PRICKLE2: variants seen among roughly 807,000 people sequenced by gnomAD.
PRICKLE2 encodes the protein prickle-like protein 2.
Under a neutral mutation model 81.4 loss-of-function variants are expected in PRICKLE2, and 21 were observed. The ratio of observed to expected loss-of-function variants is 0.26; its 90% confidence interval spans 0.18 to 0.37. PRICKLE2 has a LOEUF of 0.37. Ranked by LOEUF, PRICKLE2 falls within the 10% of genes least tolerant of loss-of-function variation. The pLI is 1.00. For missense variants in PRICKLE2, 940 were observed against 1,109.0 expected, an observed-to-expected ratio of 0.85 and a Z score of 2.16; for synonymous variants, 456 against 421.5, an observed-to-expected ratio of 1.08 and a Z score of -1.00.
chr3:64,205,879 C>T (rs2078679098), intron 1 of PRICKLE2, among the ~76,000 whole-genome samples: 2 of 152,204 alleles, frequency 1.3e-5, no homozygotes, highest in Non-Finnish European at 2.9e-5. Context: ...CCTCCCCAAA[C>T]TCCAGGCACA....
chr3:64,150,670 T>A (rs1255413352), intron 6 of PRICKLE2, among the ~76,000 whole-genome samples: 2 of 152,100 alleles, frequency 1.3e-5, no homozygotes, highest in Non-Finnish European at 1.5e-5. Flanking sequence ...CTATCCCCAC[T>A]CCCTGTTAGA....
chr3:64,118,246 A>G (rs1347505136), intron 7 of PRICKLE2, among the ~76,000 whole-genome samples: 1 of 152,226 alleles, frequency 6.6e-6, no homozygotes, highest in African/African-American at 2.4e-5. Flanking sequence ...AAAAACCTTG[A>G]AGAAAACCTA....
rs1358737262 is a variant in PRICKLE2 at position 64,153,572 on chromosome 3, T to C, written c.601-204A>G. On this transcript the variant is annotated intron_variant, in intron 5 of 7. Transcript: ENST00000638394. ...GATTTACCTAAAGCATAATTAAACA[T>C]GATTTCTGGCCTAGCCAGTAATTAA... is the stretch of plus-strand genomic sequence containing the variant. The C allele has an allele frequency of 5.2e-6, 3 of 574,302 alleles. No individual in the cohort carries two copies. The African/African-American group carries it at 5.6e-5, about 11-fold the overall frequency. The allele number at this position is 574,302 out of a possible 1,614,324, so 35.6% of individuals were successfully genotyped here. A position where few individuals can be genotyped will look rare whatever the true frequency, so the allele number is the denominator to read the frequency against.
intron 1 of PRICKLE2, among the ~76,000 whole-genome samples, chr3:64,220,712 T>G (rs1040346547): frequency 2.0e-5 from 3 of 152,160 alleles, no homozygotes; most frequent in Non-Finnish European, 4.4e-5. Context: ...CTGATTTTCT[T>G]CATGCCTCCA....
chr3:64,177,645 C>T (rs1432631154), intron 2 of PRICKLE2, among the ~76,000 whole-genome samples: 1 of 152,154 alleles, frequency 6.6e-6, no homozygotes, highest in Non-Finnish European at 1.5e-5. Flanking sequence ...AGTCTAGATA[C>T]TTCATATAAG....
intron 1 of PRICKLE2, among the ~76,000 whole-genome samples, chr3:64,212,711 A>C (rs2078808747): frequency 6.6e-6 from 1 of 152,220 alleles, no homozygotes; most frequent in Non-Finnish European, 1.5e-5. Context: ...ACTAGGATTT[A>C]ACAACTTAAT....
intron 2 of PRICKLE2, among the ~76,000 whole-genome samples, chr3:64,166,179 C>T (rs1206021510): frequency 6.6e-6 from 1 of 152,102 alleles, no homozygotes; most frequent in Non-Finnish European, 1.5e-5. Context: ...TGCTTCTCAC[C>T]TTCTCAAAGG....
At chr3:64,248,780 A>G (rs532727177) in intron 2 of PRICKLE2, among the ~76,000 whole-genome samples, 1 of 152,266 alleles carries the variant, frequency 6.6e-6, no homozygotes, top group African/African-American at 2.4e-5. Flanking sequence ...AGAAGACTCT[A>G]TAGAAACCAT....
chr3:64,148,348 C>T (rs907713603), intron 6 of PRICKLE2, among the ~76,000 whole-genome samples: 4 of 152,296 alleles, frequency 2.6e-5, no homozygotes, highest in Middle Eastern at 3.4e-3. Context: ...GCATTAATAC[C>T]GCTTTACATT....
At chr3:64,185,642 A>G (rs1237972915) in intron 2 of PRICKLE2, among the ~76,000 whole-genome samples, 5 of 152,194 alleles carry the variant, frequency 3.3e-5, no homozygotes, top group Non-Finnish European at 5.9e-5. Context: ...GTTCTTTCTG[A>G]CAAAAGCTTG....
intron 6 of PRICKLE2, among the ~76,000 whole-genome samples, chr3:64,152,595 T>C (rs998685661): frequency 7.9e-5 from 12 of 152,062 alleles, no homozygotes; most frequent in African/African-American, 2.7e-4. Flanking sequence ...GCCACTGGGT[T>C]TCCTTGACAA....
intron 2 of PRICKLE2, among the ~76,000 whole-genome samples, chr3:64,178,987 C>CTTTCTTTCTTTCT (rs1236372802): frequency 1.4e-5 from 2 of 142,586 alleles, no homozygotes; most frequent in South Asian, 4.7e-4. Context: ...TTCTTTCTTT[C>CTTTCTTTCTTTCT]TTTCTTTCTT....
chr3:64,174,248 G>A (rs2077981703), intron 2 of PRICKLE2, among the ~76,000 whole-genome samples: 1 of 152,164 alleles, frequency 6.6e-6, no homozygotes. Context: ...TCCTAACCAT[G>A]ACAAATTCTA....
intron 7 of PRICKLE2, among the ~76,000 whole-genome samples, chr3:64,122,327 A>C (rs1410876181): frequency 6.6e-6 from 1 of 152,150 alleles, no homozygotes; most frequent in African/African-American, 2.4e-5. Flanking sequence ...GCCCCCAAAA[A>C]TTCATAACCC....
intron 1 of PRICKLE2, among the ~76,000 whole-genome samples, chr3:64,222,972 T>C (rs2107151397): frequency 6.6e-6 from 1 of 152,284 alleles, no homozygotes; most frequent in South Asian, 2.1e-4. Flanking sequence ...CTGGTCACTT[T>C]CAGTTCTGTG....
At chr3:64,104,397 G>C (rs1221375468) in intron 7 of PRICKLE2, 2 of 152,240 alleles carry the variant, frequency 1.3e-5, no homozygotes, top group East Asian at 3.8e-4. Flanking sequence ...TTCCAACCTA[G>C]CTCTTGAGTA....
At chr3:64,188,360 G>C (rs1194047668) in intron 2 of PRICKLE2, among the ~76,000 whole-genome samples, 1 of 152,198 alleles carries the variant, frequency 6.6e-6, no homozygotes, top group Admixed American at 6.5e-5. Context: ...TCCTAGCAAT[G>C]TGGCTTTTCC....
At chr3:64,260,859 A>G (rs924001373) in intron 2 of PRICKLE2, among the ~76,000 whole-genome samples, 1 of 152,206 alleles carries the variant, frequency 6.6e-6, no homozygotes, top group Non-Finnish European at 1.5e-5. Context: ...TAAAAAATAT[A>G]TATGTTTACT....
At chr3:64,118,226 C>A (rs902517235) in intron 7 of PRICKLE2, among the ~76,000 whole-genome samples, 3 of 152,122 alleles carry the variant, frequency 2.0e-5, no homozygotes, top group Admixed American at 2.0e-4. Flanking sequence ...ACTGTAAAAA[C>A]CTAAACTATA....
Sources: gnomAD v4.1 joint callset for allele counts (sites outside exome capture counted in the v4.1 genomes callset) on GRCh38, gnomAD v4.1.1 for gene constraint, MANE v1.5 for transcripts, NCBI Gene and HGNC (gene_info 2026-07-23, HGNC 2026-07-21) for gene names.